The following RAD51B variants were observed in gnomAD, a reference collection of about 807,000 sequenced individuals.
RAD51B encodes the protein RAD51 paralog B.
Under a neutral mutation model 42.2 loss-of-function variants are expected in RAD51B, and 38 were observed. The ratio of observed to expected loss-of-function variants is 0.90; its 90% CI spans 0.70 to 1.18. The LOEUF is 1.18. RAD51B is among the 50% of genes most tolerant of loss of function. The probability of loss-of-function intolerance (pLI) is 0.00; values close to 1 mark genes in which losing one functional copy is unlikely to be tolerated. For synonymous variants in RAD51B, 154 were observed against 145.2 expected (o/e 1.06, Z -0.43); for missense variants, 373 against 400.7 (o/e 0.93, Z 0.59).
At chr14:68,543,182 T>C (rs774669930) in intron 10 of RAD51B, among the ~76,000 whole-genome samples, 20 of 152,208 alleles carry the variant, frequency 1.3e-4, no homozygotes, top group African/African-American at 3.9e-4. Flanking sequence ...CAAATAAGCA[T>C]GGTTGTGTTC....
At chr14:67,885,492 T>C (rs941942251) in intron 5 of RAD51B, among the ~76,000 whole-genome samples, 5 of 152,236 alleles carry the variant, frequency 3.3e-5, no homozygotes, top group Non-Finnish European at 5.9e-5. Context: ...ATATACCATA[T>C]TTGTTCAAAT....
At chr14:68,346,584 T>G (rs1409161753) in intron 8 of RAD51B, among the ~76,000 whole-genome samples, 1 of 152,262 alleles carries the variant, frequency 6.6e-6, no homozygotes, top group Non-Finnish European at 1.5e-5. Context: ...AGTCGCACTC[T>G]GTAGCCCTTC....
chr14:68,235,050 G>A (rs957912424), intron 7 of RAD51B, among the ~76,000 whole-genome samples: 50 of 152,046 alleles, frequency 3.3e-4, no homozygotes, highest in African/African-American at 1.1e-3. Context: ...TGTAGAAAGA[G>A]TACACTGTAA....
chr14:68,542,099 T>C (rs1338313208), intron 10 of RAD51B, among the ~76,000 whole-genome samples: 2 of 152,158 alleles, frequency 1.3e-5, no homozygotes, highest in Non-Finnish European at 1.5e-5. Flanking sequence ...AAGTAAGCAA[T>C]AGTTTAAAAT....
At chr14:67,869,928 G>A (rs1375933891) in intron 5 of RAD51B, among the ~76,000 whole-genome samples, 1 of 151,950 alleles carries the variant, frequency 6.6e-6, no homozygotes, top group African/African-American at 2.4e-5. Flanking sequence ...AAGAGCTCCT[G>A]AAGGAAGCGC....
At chr14:68,638,470 G>A (rs931368814) in intron 10 of RAD51B, among the ~76,000 whole-genome samples, 1 of 152,182 alleles carries the variant, frequency 6.6e-6, no homozygotes, top group Non-Finnish European at 1.5e-5. Flanking sequence ...GATGGAAAAG[G>A]TCACACAGTT....
intron 4 of RAD51B, among the ~76,000 whole-genome samples, chr14:67,862,283 T>C (rs1391476283): frequency 2.0e-5 from 3 of 152,050 alleles, no homozygotes; most frequent in Non-Finnish European, 2.9e-5. Context: ...ATTAAAAATA[T>C]TAAAACAAGC....
intron 9 of RAD51B, among the ~76,000 whole-genome samples, chr14:68,444,811 G>A (rs1270731064): frequency 2.6e-5 from 4 of 152,124 alleles, no homozygotes; most frequent in Non-Finnish European, 5.9e-5. Context: ...GTGATGGGGG[G>A]GCATATTTCT....
downstream of RAD51B, among the ~76,000 whole-genome samples, chr14:68,482,739 G>T (rs1282504994): frequency 6.6e-6 from 1 of 152,244 alleles, no homozygotes; most frequent in Non-Finnish European, 1.5e-5. Flanking sequence ...CTAAGTGTGA[G>T]AGAAAACACA....
chr14:68,596,140 G>A (rs1395263341), downstream of RAD51B: 1 of 625,032 alleles, frequency 1.6e-6, no homozygotes, highest in Admixed American at 5.8e-5. Flanking sequence ...AGACACTTCT[G>A]GGGCAAGAGG....
chr14:68,062,775 C>T (rs1359311923), intron 7 of RAD51B, among the ~76,000 whole-genome samples: 1 of 147,348 alleles, frequency 6.8e-6, no homozygotes, highest in Non-Finnish European at 1.5e-5. Flanking sequence ...TACCACTGCA[C>T]TCCAGCCTGC....
chr14:68,347,527 C>T (rs1255198050), intron 8 of RAD51B, among the ~76,000 whole-genome samples: 2 of 152,118 alleles, frequency 1.3e-5, no homozygotes, highest in African/African-American at 2.4e-5. Flanking sequence ...TATGAAAAAC[C>T]ATATATATTA....
intron 10 of RAD51B, among the ~76,000 whole-genome samples, chr14:68,490,354 GGTTGA>G (rs1883968127): frequency 6.6e-6 from 1 of 152,110 alleles, no homozygotes; most frequent in Admixed American, 6.5e-5. Context: ...AGAACTCAGG[GGTTGA>G]AACTTGTGGA....
Position 68,558,390 on chromosome 14 carries a change from G to A in RAD51B, c.1037-36095G>A, listed in dbSNP as rs11851618. On this transcript the variant is annotated intron_variant, in intron 10 of 10. Transcript: ENST00000487270. The stretch of plus-strand genomic sequence containing the variant: ...CGCTTCCTAGGGCTCCCCTAGCCAC[G>A]CGGGTACTTTACTGAGTGTCTGAAA... Among the ~76,000 whole-genome samples the A allele has an allele frequency of 3.6e-3, 551 of 152,350 alleles. 7 individuals are homozygous for A. The highest frequency in any genetic ancestry group is 0.013 in the African/African-American group (530 of 41,564).
intron 7 of RAD51B, among the ~76,000 whole-genome samples, chr14:67,992,043 A>G (rs2075304365): frequency 6.6e-6 from 1 of 152,202 alleles, no homozygotes; most frequent in Admixed American, 6.5e-5. Context: ...ATGCATTGTG[A>G]TCTTAGGAAT....
intron 7 of RAD51B, among the ~76,000 whole-genome samples, chr14:67,997,191 C>T (rs1005412204): frequency 6.6e-6 from 1 of 152,016 alleles, no homozygotes; most frequent in African/African-American, 2.4e-5. Context: ...TATGAAAATA[C>T]ATAGTATTTG....
In RAD51B at chr14:68,595,391, T is replaced by C. The variant is rs1429824220; in HGVS notation, c.*788T>C. 2.8e-6 allele frequency: 3 copies of C among 1,066,474 alleles called. No homozygotes were observed. In the African/African-American group the frequency reaches 4.9e-5, roughly 17 times the overall value. The allele number at this position is 1,066,474 out of a possible 1,614,324, so 66.1% of individuals were successfully genotyped here. The stretch of plus-strand genomic sequence containing the variant: ...AGGGAGCCTGTTTTGTCTGAAATAA[T>C]GCATCCATGAACAAATGAATTGAGT... On this transcript the variant is annotated 3_prime_UTR_variant, in exon 11 of 11. Coordinates refer to the RAD51B transcript ENST00000487270.
At chr14:68,546,585 A>G (rs1418738147) in intron 10 of RAD51B, among the ~76,000 whole-genome samples, 1 of 152,222 alleles carries the variant, frequency 6.6e-6, no homozygotes, top group Non-Finnish European at 1.5e-5. Flanking sequence ...CTGAGGTCAC[A>G]GGCTTTTGGT....
intron 7 of RAD51B, among the ~76,000 whole-genome samples, chr14:68,122,896 A>G (rs1452569596): frequency 1.3e-5 from 2 of 152,204 alleles, no homozygotes; most frequent in African/African-American, 4.8e-5. Context: ...AAAATCCAAG[A>G]TGCATTATTA....
Sources: allele counts gnomAD v4.1 joint callset (sites outside exome capture counted in the v4.1 genomes callset), GRCh38; gene constraint gnomAD v4.1.1; transcripts MANE v1.5; gene names NCBI Gene and HGNC (gene_info 2026-07-23, HGNC 2026-07-21).